Variants in ASNSD1 observed in about 807,000 individuals in gnomAD.
ASNSD1 encodes the protein asparagine synthetase domain containing 1.
ASNSD1 carries 36 observed loss-of-function variants against 48.3 expected under a neutral mutation model. That is an observed-to-expected ratio of 0.75 (90% CI 0.57 to 0.99). The LOEUF is 0.99. Among genes scored for constraint, ASNSD1 ranks in the 50% least tolerant of loss-of-function variants. ASNSD1 has a pLI of 0.00. For missense variants in ASNSD1, 714 were observed against 758.2 expected (o/e 0.94, Z 0.69); for synonymous variants, 257 against 262.1 (o/e 0.98, Z 0.19).
At chr2:189,662,533 G>C (rs2032691451) in intron 1 of ASNSD1, among the ~76,000 whole-genome samples, 1 of 152,076 alleles carries the variant, frequency 6.6e-6, no homozygotes, top group African/African-American at 2.4e-5. Context: ...CTGCCAACGG[G>C]GGAGACAGAA....
intron 1 of ASNSD1, among the ~76,000 whole-genome samples, chr2:189,662,735 TA>T (rs1453796095): frequency 6.6e-6 from 1 of 152,012 alleles, no homozygotes; most frequent in Non-Finnish European, 1.5e-5. Context: ...GTTCACAAAA[TA>T]AATAGAGTTA....
At position 189,666,416 on chromosome 2, in the gene ASNSD1, T is replaced by C. The variant is rs776758861; in HGVS notation, c.284T>C (p.Leu95Ser). 6.2e-7 allele frequency: 1 copy of C among 1,614,066 alleles called. No homozygotes were observed. Among genetic ancestry groups the C allele is most frequent in the Admixed American group, 1.7e-5 (1 of 60,026 alleles). ...VEAEENDTQI[L>S]FNYLSSCKNE... ...GCTGAAGAGAATGACACTCAAATTT[T>C]GTTTAATTATCTTTCCTCCTGTAAG... The change falls in exon 4 of 6, where the codon TTG (leucine) becomes TCG (serine). Residue 95 changes from leucine (L) to serine (S), a missense_variant. Coordinates refer to ENST00000260952, the MANE Select transcript of ASNSD1 (RefSeq NM_019048.4).
In ASNSD1 at chr2:189,670,777, A is replaced by C; in HGVS notation, c.*51A>C. On this transcript the variant is annotated 3_prime_UTR_variant, in exon 6 of 6. Coordinates refer to ENST00000260952, the MANE Select transcript of ASNSD1 (RefSeq NM_019048.4). The stretch of plus-strand genomic sequence containing the variant: ...AAATAAGTTTTTATATAATTATATA[A>C]AAGTAAGATACTCTGCTGCTTTACT... 1 of 1,224,052 alleles carries C rather than the reference A, an allele frequency of 8.2e-7. No individual in the cohort carries two copies. Among genetic ancestry groups the C allele is most frequent in the Non-Finnish European group, 1.1e-6 (1 of 925,816 alleles). The allele number at this position is 1,224,052 out of a possible 1,614,324, so 75.8% of individuals were successfully genotyped here. A position where few individuals can be genotyped will look rare whatever the true frequency, so the allele number is the denominator to read the frequency against.
rs1268152708 is a variant in ASNSD1 at position 189,666,742 on chromosome 2, A to G, written c.610A>G (p.Arg204Gly). The G allele has an allele frequency of 6.2e-7, 1 of 1,613,310 alleles. No homozygotes were observed. The highest frequency in any genetic ancestry group is 8.5e-7 in the Non-Finnish European group (1 of 1,179,284). Residue 204 changes from arginine (R) to glycine (G), a missense_variant, in exon 4 of 6, where the codon AGG becomes GGG. Arg to Gly is a moderately radical substitution (Grantham distance 125). Coordinates refer to ENST00000260952, the MANE Select transcript of ASNSD1 (RefSeq NM_019048.4). The stretch of plus-strand genomic sequence containing the variant: ...ACTGTATCCTTGGAAATATATTTCT[A>G]GGGAGAATATTATTGAAGAAAATGT... Reference protein sequence around the residue: ...LQLYPWKYISRENIIEENVNS... With the variant: ...LQLYPWKYISGENIIEENVNS...
chr2:189,665,430 G>C lies in ASNSD1; in HGVS notation c.-114G>C, dbSNP rs980413996. On this transcript the variant is annotated 5_prime_UTR_variant, in exon 3 of 6. Transcript: ENST00000260952. Reference sequence around the variant, plus strand: ...TATATTCTTTCTTGCAGACCGAACAGAAATGCTGTCTGAGAGCAAGAGTAA... The same window carrying C: ...TATATTCTTTCTTGCAGACCGAACACAAATGCTGTCTGAGAGCAAGAGTAA... 17 of 397,642 alleles carry C rather than the reference G, an allele frequency of 4.3e-5. No homozygotes were observed. Among genetic ancestry groups the C allele is most frequent in the African/African-American group, 3.3e-4 (16 of 48,390 alleles). 24.6% of individuals were successfully genotyped at this position (397,642 alleles called of 1,614,324 possible). A position where few individuals can be genotyped will look rare whatever the true frequency, so the allele number is the denominator to read the frequency against.
intron 5 of ASNSD1, among the ~76,000 whole-genome samples, chr2:189,668,410 G>A (rs2032858678): frequency 1.3e-5 from 2 of 152,140 alleles, no homozygotes; most frequent in Admixed American, 6.5e-5. Flanking sequence ...CCAGCTACTC[G>A]GGAGGCTGAG....
At chr2:189,668,912 AG>A (rs2032868205) in intron 5 of ASNSD1, among the ~76,000 whole-genome samples, 1 of 152,252 alleles carries the variant, frequency 6.6e-6, no homozygotes, top group Non-Finnish European at 1.5e-5. Context: ...GTAAGGATAA[AG>A]GAAGATGTGA....
intron 2 of ASNSD1, among the ~76,000 whole-genome samples, chr2:189,665,133 C>T (rs2032756539): frequency 6.6e-6 from 1 of 152,048 alleles, no homozygotes; most frequent in Non-Finnish European, 1.5e-5. Flanking sequence ...TTGATAAAAG[C>T]ATAAATCTGC....
rs200813836 is a variant in ASNSD1 at position 189,667,480 on chromosome 2, C to T, written c.1348C>T (p.Arg450Trp). Residue 450 changes from arginine (R) to tryptophan (W), a missense_variant, in exon 4 of 6, where the codon CGG becomes TGG. Transcript: ENST00000260952. ...LRRTRICHLI[R>W]PLDTVLDDSI... ...AAGAACTCGAATATGTCACTTAATTCGGCCATTGGATACAGTTTTGGATGA... is the reference window on the plus strand; with the variant it reads ...AAGAACTCGAATATGTCACTTAATTTGGCCATTGGATACAGTTTTGGATGA... 42 of 1,613,962 alleles carry T rather than the reference C, an allele frequency of 2.6e-5. No homozygotes were observed. Among genetic ancestry groups the T allele is most frequent in the Non-Finnish European group, 3.2e-5 (38 of 1,180,038 alleles).
At position 189,667,753 on chromosome 2, in the gene ASNSD1, A is replaced by G; in HGVS notation, c.1465-11A>G. 1 of 1,592,722 alleles carries G rather than the reference A, an allele frequency of 6.3e-7. No individual in the cohort carries two copies. The highest frequency in any genetic ancestry group is 8.5e-7 in the Non-Finnish European group (1 of 1,173,094). On this transcript the variant is annotated splice_polypyrimidine_tract_variant and intron_variant, in intron 4 of 5. Transcript: ENST00000260952. ...ATAACATTTTTATACGGATTTCTTT[A>G]AACCTCATAGGTAGTTCTCACTGGA...
At position 189,661,484 on chromosome 2, in the gene ASNSD1, G is replaced by T. The variant is rs1422037335; in HGVS notation, c.-349G>T. ...GTGGCTAATGCCGTAGGCTCCTTCA[G>T]GGCTGAGCCATCCCGCGTGTCTTGC... On this transcript the variant is annotated 5_prime_UTR_variant, in exon 1 of 6. In the 5' UTR this introduces an upstream ATG that the reference lacks. Coordinates refer to ENST00000260952, the MANE Select transcript of ASNSD1 (RefSeq NM_019048.4). The T allele has an allele frequency of 7.5e-6, 3 of 399,094 alleles. No individual in the cohort carries two copies. The highest frequency in any genetic ancestry group is 1.3e-5 in the Non-Finnish European group (3 of 226,206). The allele number at this position is 399,094 out of a possible 1,614,324, so 24.7% of individuals were successfully genotyped here.
At chr2:189,668,604 A>C (rs1245079286) in intron 5 of ASNSD1, among the ~76,000 whole-genome samples, 1 of 152,272 alleles carries the variant, frequency 6.6e-6, no homozygotes, top group Non-Finnish European at 1.5e-5. Context: ...CCTCCCAGTA[A>C]GGGCATAAGC....
chr2:189,667,412 T>C lies in ASNSD1; in HGVS notation c.1280T>C (p.Phe427Ser). 6.2e-7 allele frequency: 1 copy of C among 1,614,138 alleles called. No individual in the cohort carries two copies. Among genetic ancestry groups the C allele is most frequent in the Non-Finnish European group, 8.5e-7 (1 of 1,180,008 alleles). The change falls in exon 4 of 6, where the codon TTT becomes TCT. Residue 427 changes from phenylalanine (F) to serine (S), a missense_variant. Physicochemically the swap from Phe to Ser is radical, Grantham distance 155 (BLOSUM62 -2). Transcript: ENST00000260952. ...QAVSPSRIWN[F>S]VEINVSMEEL... ...GTTAGCCCTTCCCGAATTTGGAATT[T>C]TGTTGAAATTAATGTTTCTATGGAA... is the stretch of plus-strand genomic sequence containing the variant.
At chr2:189,664,618 G>A (rs548743510) in intron 2 of ASNSD1, among the ~76,000 whole-genome samples, 5 of 152,258 alleles carry the variant, frequency 3.3e-5, no homozygotes, top group South Asian at 2.1e-4. Context: ...TTAGCCAGGC[G>A]TGTGCCTGTA....
intron 3 of ASNSD1, 87 bp downstream of exon 3, chr2:189,665,538 G>A (rs1217248687): frequency 5.9e-6 from 2 of 337,704 alleles, no homozygotes; most frequent in African/African-American, 4.6e-5. Flanking sequence ...GATTAATGCA[G>A]CAGTTTGATT....
chr2:189,664,506 T>C (rs1396761177), intron 2 of ASNSD1, among the ~76,000 whole-genome samples: 1 of 152,246 alleles, frequency 6.6e-6, no homozygotes, highest in East Asian at 1.9e-4. Context: ...GAAATGAGTT[T>C]GAGCTCTTAA....
In ASNSD1 at chr2:189,661,603, G is replaced by A. The variant is rs904108766; in HGVS notation, c.-230G>A. 6 of 399,272 alleles carry A rather than the reference G, an allele frequency of 1.5e-5. No individual in the cohort carries two copies. The highest frequency in any genetic ancestry group is 2.2e-5 in the Non-Finnish European group (5 of 226,326). 24.7% of individuals were successfully genotyped at this position (399,272 alleles called of 1,614,324 possible). On this transcript the variant is annotated 5_prime_UTR_variant, in exon 1 of 6. Transcript: ENST00000260952. ...TCGACCCCACACAAGGAGGATCTAA[G>A]CAGCAAGGTGAGTGTGAGACGCGAC...
chr2:189,664,350 T>A (rs1160026292), intron 2 of ASNSD1, among the ~76,000 whole-genome samples: 1 of 152,218 alleles, frequency 6.6e-6, no homozygotes, highest in Non-Finnish European at 1.5e-5. Flanking sequence ...ATACATTGCT[T>A]CCCCTCCCTC....
chr2:189,663,318 A>G (rs951666913), intron 1 of ASNSD1, among the ~76,000 whole-genome samples: 1 of 151,838 alleles, frequency 6.6e-6, no homozygotes, highest in Non-Finnish European at 1.5e-5. Context: ...CAGTGGTGCA[A>G]TCTTGGCTCA....
Sources: gnomAD v4.1 joint callset for allele counts (sites outside exome capture counted in the v4.1 genomes callset) on GRCh38, gnomAD v4.1.1 for gene constraint, MANE v1.5 for transcripts, NCBI Gene and HGNC (gene_info 2026-07-23, HGNC 2026-07-21) for gene names.